TMEM196: variants seen among roughly 807,000 people sequenced by gnomAD.
TMEM196 encodes the protein transmembrane protein 196.
Under a neutral mutation model 20.0 loss-of-function variants are expected in TMEM196, and 17 were observed. The ratio of observed to expected loss-of-function variants is 0.85; its 90% CI spans 0.58 to 1.27. The LOEUF is 1.27. TMEM196 is among the 50% of genes most tolerant of loss of function. The probability of loss-of-function intolerance (pLI) is 0.00; values close to 1 mark genes in which losing one functional copy is unlikely to be tolerated. For missense variants in TMEM196, 267 were observed against 223.0 expected (o/e 1.20, Z -1.26); for synonymous variants, 113 against 88.9 (o/e 1.27, Z -1.52).
chr7:19,763,687 G>A (rs1326563015), intron 1 of TMEM196, among the ~76,000 whole-genome samples: 1 of 152,090 alleles, frequency 6.6e-6, no homozygotes, highest in African/African-American at 2.4e-5. Flanking sequence ...AAATAAATAT[G>A]TCTATAAACG....
intron 2 of TMEM196, among the ~76,000 whole-genome samples, chr7:19,728,241 C>G (rs1056227705): frequency 6.6e-6 from 1 of 151,236 alleles, no homozygotes; most frequent in Non-Finnish European, 1.5e-5. Context: ...GTCATGCTTC[C>G]TTGCTTGTTT....
In TMEM196 at chr7:19,728,078, T is replaced by C. The variant is rs571840565; in HGVS notation, c.204+1304A>G. 1.9e-4 allele frequency among the ~76,000 whole-genome samples: 29 copies of C among 152,280 alleles called. No individual in the cohort carries two copies. The South Asian group carries it at 5.8e-3, about 30-fold the overall frequency. ...AAAAAATCAGATTTCATCATTTTTTTCCTTGTAATTTATAAGAGAAAGACA... is the reference window on the plus strand; with the variant it reads ...AAAAAATCAGATTTCATCATTTTTTCCCTTGTAATTTATAAGAGAAAGACA... On this transcript the variant is annotated intron_variant, in intron 2 of 4. Coordinates refer to ENST00000405844, the MANE Select transcript of TMEM196 (RefSeq NM_001363562.2).
chr7:19,743,234 G>T (rs759780960), intron 1 of TMEM196, among the ~76,000 whole-genome samples: 1 of 152,150 alleles, frequency 6.6e-6, no homozygotes, highest in Non-Finnish European at 1.5e-5. Context: ...GGATTGAAGG[G>T]AAGGTGGAGC....
intron 1 of TMEM196, among the ~76,000 whole-genome samples, chr7:19,770,098 T>A (rs1785807053): frequency 6.6e-6 from 1 of 152,202 alleles, no homozygotes; most frequent in African/African-American, 2.4e-5. Context: ...GTACATTGAT[T>A]CTAAGTCCTG....
intron 1 of TMEM196, among the ~76,000 whole-genome samples, chr7:19,735,215 A>G (rs185785554): frequency 2.6e-4 from 39 of 152,330 alleles, no homozygotes; most frequent in African/African-American, 8.9e-4. Context: ...AAAAGATGCA[A>G]TGACAACAAA....
chr7:19,752,460 A>G (rs886309076), intron 1 of TMEM196, among the ~76,000 whole-genome samples: 1 of 152,192 alleles, frequency 6.6e-6, no homozygotes, highest in African/African-American at 2.4e-5. Flanking sequence ...CCAGCCCTTA[A>G]CAGGATTATT....
intron 1 of TMEM196, among the ~76,000 whole-genome samples, chr7:19,734,073 A>G (rs1333054364): frequency 2.6e-5 from 4 of 152,038 alleles, no homozygotes; most frequent in Non-Finnish European, 5.9e-5. Flanking sequence ...GGGCACTCAC[A>G]TCAAAAAAAA....
At chr7:19,750,730 C>G (rs892679587) in intron 1 of TMEM196, among the ~76,000 whole-genome samples, 5 of 152,120 alleles carry the variant, frequency 3.3e-5, no homozygotes, top group Admixed American at 6.6e-5. Flanking sequence ...TATCCTTTTA[C>G]AGAACTCAAT....
intron 1 of TMEM196, among the ~76,000 whole-genome samples, chr7:19,772,164 A>G (rs112633172): frequency 7.9e-5 from 12 of 152,062 alleles, no homozygotes; most frequent in African/African-American, 2.9e-4. Context: ...TTTTCCTTGT[A>G]GAAGGAACAA....
intron 1 of TMEM196, among the ~76,000 whole-genome samples, chr7:19,738,854 G>T (rs12538162): frequency 1.3e-5 from 2 of 152,050 alleles, no homozygotes; most frequent in Non-Finnish European, 2.9e-5. Context: ...TAGATATTTT[G>T]CTCTCAAAGA....
At chr7:19,750,095 TC>T (rs1264433642) in intron 1 of TMEM196, among the ~76,000 whole-genome samples, 1 of 152,166 alleles carries the variant, frequency 6.6e-6, no homozygotes, top group African/African-American at 2.4e-5. Flanking sequence ...CCCTGGATCT[TC>T]CCCTAGGAAA....
intron 1 of TMEM196, among the ~76,000 whole-genome samples, chr7:19,744,521 G>T (rs575313211): frequency 1.3e-5 from 2 of 152,170 alleles, no homozygotes; most frequent in East Asian, 3.9e-4. Context: ...GTAGCAAAAA[G>T]AAATAATTTG....
intron 1 of TMEM196, among the ~76,000 whole-genome samples, chr7:19,769,932 G>C (rs1230561103): frequency 6.6e-6 from 1 of 152,112 alleles, no homozygotes. Context: ...TGAATAGGGA[G>C]GGCCAACTGT....
rs747640501 is a variant in TMEM196 at position 19,722,102 on chromosome 7, T to A, written c.*26A>T. 6.2e-7 allele frequency: 1 copy of A among 1,609,756 alleles called. No homozygotes were observed. The highest frequency in any genetic ancestry group is 1.7e-5 in the Admixed American group (1 of 59,610). On this transcript the variant is annotated 3_prime_UTR_variant, in exon 5 of 5. Coordinates refer to ENST00000405844, the MANE Select transcript of TMEM196 (RefSeq NM_001363562.2). Reference sequence around the variant, plus strand: ...ACACTCTTCCATTAAATATCAGCTGTGGTCCTCCATTGCTCATGTTGTCTG... The same window carrying A: ...ACACTCTTCCATTAAATATCAGCTGAGGTCCTCCATTGCTCATGTTGTCTG...
At chr7:19,744,684 T>C (rs574758325) in intron 1 of TMEM196, among the ~76,000 whole-genome samples, 1 of 152,328 alleles carries the variant, frequency 6.6e-6, no homozygotes, top group South Asian at 2.1e-4. Flanking sequence ...CCAGTTCCTT[T>C]ACTTTGCTGT....
chr7:19,737,900 A>G (rs1784463934), intron 1 of TMEM196, among the ~76,000 whole-genome samples: 1 of 151,976 alleles, frequency 6.6e-6, no homozygotes, highest in African/African-American at 2.4e-5. Context: ...CTTAACGTCT[A>G]AACAATTTTT....
At chr7:19,744,538 TA>T (rs1007935743) in intron 1 of TMEM196, among the ~76,000 whole-genome samples, 2 of 151,896 alleles carry the variant, frequency 1.3e-5, no homozygotes, top group Non-Finnish European at 2.9e-5. Context: ...TTTGGGAGCA[TA>T]AAAAACATGT....
chr7:19,752,834 C>T (rs1202961311), intron 1 of TMEM196, among the ~76,000 whole-genome samples: 10 of 151,972 alleles, frequency 6.6e-5, no homozygotes, highest in South Asian at 2.1e-4. Flanking sequence ...AGGCTGGTCT[C>T]GAACTCCTGA....
At chr7:19,732,237 C>A (rs77060968) in intron 1 of TMEM196, among the ~76,000 whole-genome samples, 5,792 of 152,210 alleles carry the variant, frequency 0.038, 346 homozygotes, top group African/African-American at 0.13. Context: ...GGTCAGAAAT[C>A]ACACATCTAA....
Sources: allele counts gnomAD v4.1 joint callset (sites outside exome capture counted in the v4.1 genomes callset), GRCh38; gene constraint gnomAD v4.1.1; transcripts MANE v1.5; gene names NCBI Gene and HGNC (gene_info 2026-07-23, HGNC 2026-07-21).